The following DTWD2 variants were observed in gnomAD, a reference collection of about 807,000 sequenced individuals.
The protein encoded by DTWD2 is DTW motif tRNA-uridine aminocarboxypropyltransferase 2, also known as tRNA-uridine aminocarboxypropyltransferase 2.
Under a neutral mutation model 31.8 loss-of-function variants are expected in DTWD2, and 39 were observed. That is an observed-to-expected ratio of 1.22 (90% CI 0.95 to 1.60). The LOEUF is 1.60. Ranked by LOEUF, DTWD2 falls within the 40% of genes most tolerant of loss-of-function variation. The probability of loss-of-function intolerance (pLI) is 0.00; values close to 1 mark genes in which losing one functional copy is unlikely to be tolerated. For synonymous variants in DTWD2, 180 were observed against 142.8 expected, an observed-to-expected ratio of 1.26 and a Z score of -1.86; for missense variants, 515 against 381.5, an observed-to-expected ratio of 1.35 and a Z score of -2.92.
chr5:118,848,337 G>T, intron 4 of DTWD2, 119 bp from the exon 5 acceptor site: 1 of 831,800 alleles, frequency 1.2e-6, no homozygotes, highest in Non-Finnish European at 1.8e-6. Flanking sequence ...AGTACTAAAT[G>T]TGTCAATATC....
chr5:118,909,136 T>C (rs1343534361), intron 4 of DTWD2, among the ~76,000 whole-genome samples: 1 of 152,144 alleles, frequency 6.6e-6, no homozygotes, highest in Non-Finnish European at 1.5e-5. Context: ...TCCACCCAGA[T>C]CAATGGGGAG....
intron 4 of DTWD2, among the ~76,000 whole-genome samples, chr5:118,912,114 C>A (rs533070340): frequency 5.9e-5 from 9 of 152,146 alleles, no homozygotes; most frequent in African/African-American, 9.7e-5. Flanking sequence ...AGAGACATAA[C>A]GTAAGCTAGC....
chr5:118,848,634 G>A (rs936144163), intron 4 of DTWD2, among the ~76,000 whole-genome samples: 3 of 152,118 alleles, frequency 2.0e-5, no homozygotes, highest in African/African-American at 7.2e-5. Flanking sequence ...AAGGCTACAA[G>A]GCTACAGTAA....
intron 2 of DTWD2, among the ~76,000 whole-genome samples, chr5:118,942,872 A>G (rs1350951202): frequency 1.3e-5 from 2 of 152,002 alleles, no homozygotes; most frequent in East Asian, 3.9e-4. Context: ...TCACAATCAT[A>G]GCTCATTGCA....
At chr5:118,985,456 C>A (rs963845024) in intron 1 of DTWD2, among the ~76,000 whole-genome samples, 135 of 134,008 alleles carry the variant, frequency 1.0e-3, no homozygotes, top group African/African-American at 3.4e-3. Context: ...GTATAGAATT[C>A]AACAAGAAAA....
chr5:118,905,760 T>A (rs896381058), intron 4 of DTWD2, among the ~76,000 whole-genome samples: 1 of 152,164 alleles, frequency 6.6e-6, no homozygotes, highest in African/African-American at 2.4e-5. Flanking sequence ...CAGAAAGGCT[T>A]TAAAATTTTA....
intron 4 of DTWD2, among the ~76,000 whole-genome samples, chr5:118,913,426 T>TATAG (rs1334465551): frequency 6.1e-5 from 8 of 132,208 alleles, no homozygotes. Flanking sequence ...TATAGATATA[T>TATAG]ATATATACAC....
intron 1 of DTWD2, chr5:118,974,809 C>T (rs1185450258): frequency 3.4e-6 from 1 of 297,800 alleles, no homozygotes; most frequent in Non-Finnish European, 6.9e-6. Flanking sequence ...GTTGTTCTAA[C>T]AAAAAAAAAA....
In DTWD2 at chr5:118,961,856, TAAAG is replaced by T. The variant is rs578115905; in HGVS notation, c.219-17211_219-17208del. On this transcript the variant is annotated intron_variant, in intron 1 of 5. Transcript: ENST00000510708. ...GTTAAAAATTTTCTTTGCTACAAAG[TAAAG>T]AAAATATATTGATTTAGGTTAGTAT... Among the ~76,000 whole-genome samples, 5 of 152,202 alleles carry T rather than the reference TAAAG, an allele frequency of 3.3e-5. No homozygotes were observed. In the South Asian group the frequency reaches 1.0e-3, roughly 31 times the overall value.
chr5:118,853,419 A>T (rs908741942), intron 4 of DTWD2, among the ~76,000 whole-genome samples: 14 of 152,272 alleles, frequency 9.2e-5, no homozygotes, highest in African/African-American at 3.1e-4. Flanking sequence ...AAGGAAAATA[A>T]ATCATTCTAC....
At position 118,964,150 on chromosome 5, in the gene DTWD2, G is replaced by A. The variant is rs577882766; in HGVS notation, c.219-19501C>T. 1.8e-3 allele frequency among the ~76,000 whole-genome samples: 273 copies of A among 151,214 alleles called. 1 individual carries two copies. The highest frequency in any genetic ancestry group is 2.4e-3 in the Non-Finnish European group (161 of 67,796). On this transcript the variant is annotated intron_variant, in intron 1 of 5. Transcript: ENST00000510708. ...ACTTGAACTCAGAAGGTGGAGTTGC[G>A]GTGGTTGCAGTGAGCCGAGATTGCA... is the stretch of plus-strand genomic sequence containing the variant.
intron 4 of DTWD2, among the ~76,000 whole-genome samples, chr5:118,881,530 G>C (rs1276221619): frequency 2.0e-5 from 3 of 152,024 alleles, no homozygotes; most frequent in Non-Finnish European, 2.9e-5. Context: ...AAATACTACT[G>C]GTCTTAGAGG....
intron 4 of DTWD2, among the ~76,000 whole-genome samples, chr5:118,885,151 ATT>A (rs1258272140): frequency 6.7e-6 from 1 of 149,412 alleles, no homozygotes; most frequent in Non-Finnish European, 1.5e-5. Context: ...TCTACAAAAA[ATT>A]AAAAAAAAAA....
At chr5:118,900,817 C>T (rs1468970017) in intron 4 of DTWD2, among the ~76,000 whole-genome samples, 4 of 151,026 alleles carry the variant, frequency 2.6e-5, no homozygotes, top group African/African-American at 7.3e-5. Flanking sequence ...CCCAGCTACT[C>T]GGGAGGCTGA....
chr5:118,881,235 T>C (rs944129105), intron 4 of DTWD2, among the ~76,000 whole-genome samples: 1 of 152,222 alleles, frequency 6.6e-6, no homozygotes, highest in Non-Finnish European at 1.5e-5. Context: ...GTCACATGAA[T>C]TTCACAAGAA....
intron 4 of DTWD2, among the ~76,000 whole-genome samples, chr5:118,904,584 A>G (rs563321644): frequency 1.3e-5 from 2 of 152,162 alleles, no homozygotes; most frequent in African/African-American, 2.4e-5. Context: ...AGACGGGTAC[A>G]TAGACAGATA....
chr5:118,982,559 A>G (rs1755325781), intron 1 of DTWD2, among the ~76,000 whole-genome samples: 1 of 152,186 alleles, frequency 6.6e-6, no homozygotes, highest in African/African-American at 2.4e-5. Flanking sequence ...ACAAACTAAT[A>G]TAATAATTTT....
intron 4 of DTWD2, among the ~76,000 whole-genome samples, chr5:118,862,012 G>C (rs1008261932): frequency 6.6e-6 from 1 of 152,186 alleles, no homozygotes; most frequent in Non-Finnish European, 1.5e-5. Context: ...CTGTGGTCTC[G>C]CAGGATGTGA....
At chr5:118,928,130 A>T (rs1165108699) in intron 4 of DTWD2, among the ~76,000 whole-genome samples, 1 of 152,082 alleles carries the variant, frequency 6.6e-6, no homozygotes, top group Non-Finnish European at 1.5e-5. Flanking sequence ...ATTTAATAAA[A>T]ACTTAGTCAT....
Sources: gnomAD v4.1 joint callset for allele counts (sites outside exome capture counted in the v4.1 genomes callset) on GRCh38, gnomAD v4.1.1 for gene constraint, MANE v1.5 for transcripts, NCBI Gene and HGNC (gene_info 2026-07-23, HGNC 2026-07-21) for gene names.